Variants in USP28 observed in about 807,000 individuals in gnomAD.
USP28 encodes ubiquitin carboxyl-terminal hydrolase 28.
Under a neutral mutation model 145.0 loss-of-function variants are expected in USP28, and 113 were observed. That is an observed-to-expected ratio of 0.78 (90% confidence interval 0.67 to 0.91). The LOEUF (loss-of-function observed/expected upper bound fraction) is 0.91, where lower values mean the gene tolerates loss of function less well. Ranked by LOEUF, USP28 falls within the 40% of genes least tolerant of loss-of-function variation. USP28 has a pLI of 0.00. For missense variants in USP28, 1,201 were observed against 1,289.6 expected (o/e 0.93, Z 1.05); for synonymous variants, 447 against 450.9 (o/e 0.99, Z 0.11).
At chr11:113,829,938 A>C (rs1943803026) in intron 9 of USP28, among the ~76,000 whole-genome samples, 1 of 152,134 alleles carries the variant, frequency 6.6e-6, no homozygotes, top group Non-Finnish European at 1.5e-5. Flanking sequence ...AGCTAAGTCT[A>C]GTCAAATCTC....
intron 5 of USP28, among the ~76,000 whole-genome samples, chr11:113,839,947 C>T (rs1369270639): frequency 3.3e-5 from 5 of 152,038 alleles, no homozygotes; most frequent in Non-Finnish European, 7.4e-5. Context: ...ACCTGGGAGG[C>T]GGAGGTTGCA....
intron 3 of USP28, 75 bp downstream of exon 3, chr11:113,852,426 G>A: frequency 1.9e-6 from 3 of 1,555,656 alleles, no homozygotes; most frequent in South Asian, 1.1e-5. Flanking sequence ...GTGATTGACA[G>A]GGAACTCACA....
intron 1 of USP28, among the ~76,000 whole-genome samples, chr11:113,870,539 G>C (rs955917156): frequency 6.6e-6 from 1 of 152,186 alleles, no homozygotes; most frequent in East Asian, 1.9e-4. Context: ...GGCAAAGTAG[G>C]CTGCTGAGCA....
chr11:113,828,166 C>T (rs980235936), intron 10 of USP28, among the ~76,000 whole-genome samples: 1 of 152,226 alleles, frequency 6.6e-6, no homozygotes, highest in Non-Finnish European at 1.5e-5. Context: ...GCAACATTCC[C>T]TTCAGATACC....
At chr11:113,823,744 T>A in intron 11 of USP28, 44 bp from the exon 12 acceptor site, 1 of 1,468,374 alleles carries the variant, frequency 6.8e-7, no homozygotes, top group African/African-American at 1.4e-5. Context: ...TATAAAACAT[T>A]AATGACATAA....
intron 1 of USP28, among the ~76,000 whole-genome samples, chr11:113,858,038 C>G (rs907469625): frequency 6.6e-6 from 1 of 151,830 alleles, no homozygotes; most frequent in African/African-American, 2.4e-5. Context: ...GCTAGTTTTC[C>G]TATTTTTAGT....
At chr11:113,841,800 T>TA (rs1945229825) in intron 3 of USP28, 32 bp from the exon 4 acceptor site, 1 of 1,486,016 alleles carries the variant, frequency 6.7e-7, no homozygotes, top group Non-Finnish European at 9.3e-7. Flanking sequence ...AATTAGTCTA[T>TA]ATATAGGAAA....
At chr11:113,821,732 T>C (rs1942633316) in intron 12 of USP28, 2 of 198,110 alleles carry the variant, frequency 1.0e-5, no homozygotes. Flanking sequence ...GCAACTTGGG[T>C]GTCTTGCTAG....
chr11:113,817,765 A>C (rs1300826924), exon 13 of USP28: 1 of 1,614,242 alleles, frequency 6.2e-7, no homozygotes. Context: ...GTTTTGTACT[A>C]GCAAATTCAA....
chr11:113,799,709 T>C (rs764154536), intron 24 of USP28, among the ~76,000 whole-genome samples: 1 of 152,228 alleles, frequency 6.6e-6, no homozygotes, highest in Non-Finnish European at 1.5e-5. Flanking sequence ...GATATGATGG[T>C]AATTATTTTC....
At position 113,858,209 on chromosome 11, in the gene USP28, T is replaced by C. The variant is rs151104676; in HGVS notation, c.58-3874A>G. 4.5e-3 allele frequency among the ~76,000 whole-genome samples: 682 copies of C among 152,256 alleles called. 2 individuals carry two copies. The highest frequency in any genetic ancestry group is 9.3e-3 in the Admixed American group (143 of 15,298). On this transcript the variant is annotated intron_variant, in intron 1 of 24. Transcript: ENST00000003302. ...GGCTACTGGGTAGAGATGACAACTA[T>C]GTAAAATAATTTTGTATAGCTCCAA...
exon 3 of USP28, chr11:113,852,558 C>T (rs1019543131): frequency 3.1e-6 from 5 of 1,614,038 alleles, no homozygotes; most frequent in Non-Finnish European, 4.2e-6. Flanking sequence ...TCTGTAGCAA[C>T]AGTGTCTTGA....
chr11:113,842,541 C>T (rs1401624016), intron 3 of USP28, among the ~76,000 whole-genome samples: 3 of 150,246 alleles, frequency 2.0e-5, no homozygotes, highest in African/African-American at 4.9e-5. Context: ...GCCAAGACCA[C>T]GCCACTGCAC....
At chr11:113,817,930 T>C in intron 12 of USP28, 93 bp from the exon 13 acceptor site, 1 of 1,331,928 alleles carries the variant, frequency 7.5e-7, no homozygotes, top group Non-Finnish European at 1.1e-6. Context: ...AGCAAGTCAA[T>C]GGAAAGGCTT....
At chr11:113,821,255 A>G (rs2513566) in intron 12 of USP28, 174,824 of 220,526 alleles carry the variant, frequency 0.79, 70,162 homozygotes, top group East Asian at 0.89. Flanking sequence ...CAGTGTGGCC[A>G]GGGGGAAGGA....
chr11:113,867,739 T>C (rs1769418387), intron 1 of USP28, among the ~76,000 whole-genome samples: 1 of 134,686 alleles, frequency 7.4e-6, no homozygotes, highest in Admixed American at 8.5e-5. Context: ...ACCCCAACTC[T>C]ATGAAAAAAC....
chr11:113,826,337 A>ATTTT (rs71063527), intron 11 of USP28, among the ~76,000 whole-genome samples: 17 of 50,762 alleles, frequency 3.3e-4, no homozygotes, highest in African/African-American at 1.1e-3. Context: ...CACCACACCC[A>ATTTT]TTTTTTTTTT....
chr11:113,874,141 GAAAA>G (rs552125095), intron 1 of USP28, among the ~76,000 whole-genome samples: 5 of 83,438 alleles, frequency 6.0e-5, no homozygotes, highest in Non-Finnish European at 1.2e-4. Context: ...ACTCCGTCTG[GAAAA>G]AAAAAAAAAA....
At chr11:113,855,237 G>A (rs1946920077) in intron 1 of USP28, among the ~76,000 whole-genome samples, 1 of 152,082 alleles carries the variant, frequency 6.6e-6, no homozygotes. Context: ...TTAACTTCCA[G>A]CTAACACAAA....
Sources: allele counts gnomAD v4.1 joint callset (sites outside exome capture counted in the v4.1 genomes callset), GRCh38; gene constraint gnomAD v4.1.1; transcripts MANE v1.5; gene names NCBI Gene and HGNC (gene_info 2026-07-23, HGNC 2026-07-21).